The following RGR variants were observed in gnomAD, a reference collection of about 807,000 sequenced individuals.
The protein encoded by RGR is RPE-retinal G protein-coupled receptor.
A neutral mutation model predicts 28.6 loss-of-function variants in RGR; 30 were observed. The observed-to-expected ratio is 1.05, with a 90% CI of 0.78 to 1.42. The LOEUF (loss-of-function observed/expected upper bound fraction) is 1.42, where lower values mean the gene tolerates loss of function less well. RGR is among the 40% of genes most tolerant of loss of function. The pLI is 0.00. For missense variants in RGR, 404 were observed against 375.6 expected (o/e 1.08, Z -0.62); for synonymous variants, 180 against 156.4 (o/e 1.15, Z -1.13).
At chr10:84,257,738 C>T (rs569862087) in intron 5 of RGR, among the ~76,000 whole-genome samples, 155 bp from the exon 6 acceptor site, 1 of 152,272 alleles carries the variant, frequency 6.6e-6, no homozygotes, top group South Asian at 2.1e-4. Context: ...ACAGAGAGGC[C>T]CATCTGGTCC....
intron 3 of RGR, chr10:84,250,712 C>T (rs1417551863): frequency 1.2e-5 from 5 of 401,902 alleles, no homozygotes; most frequent in Non-Finnish European, 2.3e-5. Context: ...TCATCTACTC[C>T]ATCCCTGGGT....
At chr10:84,247,091 G>C (rs1842755398) in intron 1 of RGR, among the ~76,000 whole-genome samples, 1 of 152,172 alleles carries the variant, frequency 6.6e-6, no homozygotes, top group Non-Finnish European at 1.5e-5. Flanking sequence ...AAAATTCAAG[G>C]TCGGGTCTCT....
chr10:84,248,539 G>T, intron 2 of RGR: 1 of 338,930 alleles, frequency 3.0e-6, no homozygotes, highest in Non-Finnish European at 5.6e-6. Context: ...GGCTGGGGAG[G>T]CCTGGGATCT....
intron 5 of RGR, among the ~76,000 whole-genome samples, chr10:84,256,793 C>A (rs1424098323): frequency 6.6e-6 from 1 of 152,154 alleles, no homozygotes; most frequent in Non-Finnish European, 1.5e-5. Flanking sequence ...CCACCATGAT[C>A]TCCTCATTTT....
At chr10:84,258,166 CT>C (rs1216512722) in intron 6 of RGR, among the ~76,000 whole-genome samples, 160 bp downstream of exon 6, 1 of 152,184 alleles carries the variant, frequency 6.6e-6, no homozygotes, top group African/African-American at 2.4e-5. Context: ...GTTTGCCCCC[CT>C]AATCCCCCAC....
Position 84,250,517 on chromosome 10 carries a change from TACACACACACACACACAC to T in RGR, c.358+1495_358+1512del. ...CCTAATGCTCCCTTGGACCATCTTA[TACACACACACACACACAC>T]ACACACACACACACACACACCACCT... On this transcript the variant is annotated intron_variant, in intron 3 of 6. Coordinates refer to ENST00000652092, the MANE Select transcript of RGR (RefSeq NM_001012720.2). The T allele has an allele frequency of 6.6e-6, 4 of 606,498 alleles. No homozygotes were observed. In the Admixed American group the frequency reaches 7.0e-5, roughly 11 times the overall value. The allele number at this position is 606,498 out of a possible 1,614,324, so 37.6% of individuals were successfully genotyped here. A position where few individuals can be genotyped will look rare whatever the true frequency, so the allele number is the denominator to read the frequency against.
intron 3 of RGR, chr10:84,250,711 C>T (rs1842805618): frequency 4.9e-6 from 2 of 408,690 alleles, no homozygotes; most frequent in Non-Finnish European, 8.9e-6. Flanking sequence ...TTCATCTACT[C>T]CATCCCTGGG....
rs569016977 is a variant in RGR, at chr10:84,253,489, A to T, written c.512+479A>T. Among the ~76,000 whole-genome samples, 21 of 152,272 alleles carry T rather than the reference A, an allele frequency of 1.4e-4. No individual in the cohort carries two copies. In the East Asian group the frequency reaches 4.1e-3, roughly 29 times the overall value. ...CTGGAGAAATAGGACAGAATGCATG[A>T]GGGTCCCCACCCTCATGGGGCTCGT... On this transcript the variant is annotated intron_variant, in intron 4 of 6. Transcript: ENST00000652092.
intron 1 of RGR, among the ~76,000 whole-genome samples, chr10:84,246,477 C>G (rs186817278): frequency 1.3e-5 from 2 of 152,188 alleles, no homozygotes; most frequent in Admixed American, 6.5e-5. Context: ...TGAGAACAAA[C>G]AGCATTTGGT....
intron 3 of RGR, chr10:84,250,274 T>G: frequency 1.4e-6 from 1 of 703,672 alleles, no homozygotes. Flanking sequence ...AACCATGGCA[T>G]GTCCTCTTTG....
chr10:84,247,000 G>C lies in RGR; in HGVS notation c.80-591G>C, dbSNP rs545880688. ...GTGCTTCTCATAGTTTTGAAGGCAG[G>C]ATTTTTTCCTGTTCCTCACTTTAGA... On this transcript the variant is annotated intron_variant, in intron 1 of 6. Coordinates refer to ENST00000652092, the MANE Select transcript of RGR (RefSeq NM_001012720.2). Among the ~76,000 whole-genome samples the C allele has an allele frequency of 4.7e-4, 71 of 152,316 alleles. 1 individual carries two copies. The highest frequency in any genetic ancestry group is 1.5e-3 in the African/African-American group (63 of 41,574).
chr10:84,250,289 C>T, intron 3 of RGR: 1 of 709,254 alleles, frequency 1.4e-6, no homozygotes, highest in South Asian at 1.5e-5. Context: ...TCTTTGGAAT[C>T]CACAGAACTT....
At chr10:84,254,623 C>T (rs963601287) in intron 5 of RGR, among the ~76,000 whole-genome samples, 180 bp downstream of exon 5, 2 of 152,230 alleles carry the variant, frequency 1.3e-5, no homozygotes, top group South Asian at 4.1e-4. Flanking sequence ...GGACCAATCT[C>T]TGCGAAGTGA....
At chr10:84,246,185 A>G (rs1467530006) in intron 1 of RGR, among the ~76,000 whole-genome samples, 3 of 152,218 alleles carry the variant, frequency 2.0e-5, no homozygotes, top group African/African-American at 7.2e-5. Context: ...ATGACTAGAA[A>G]TGTCATTATA....
At chr10:84,255,718 CTTTTTTTT>C in intron 5 of RGR, among the ~76,000 whole-genome samples, 1 of 102,880 alleles carries the variant, frequency 9.7e-6, no homozygotes, top group African/African-American at 3.6e-5. Flanking sequence ...GGTTTTCTTT[CTTTTTTTT>C]TTTTTTTTTT....
intron 5 of RGR, among the ~76,000 whole-genome samples, chr10:84,256,410 G>T (rs4933317): frequency 2.0e-5 from 3 of 151,942 alleles, no homozygotes; most frequent in African/African-American, 7.3e-5. Flanking sequence ...TGAGATGGGG[G>T]TTAACTAAGC....
Position 84,248,902 on chromosome 10 carries a change from G to A in RGR, c.237-20G>A. On this transcript the variant is annotated intron_variant, in intron 2 of 6. Transcript: ENST00000652092. ...GAAAGGATCGGAGGAGAGGTCACTG[G>A]TGCCCAGTGTCTCCCACAGGCGCTG... 2 of 1,614,214 alleles carry A rather than the reference G, an allele frequency of 1.2e-6. No individual in the cohort carries two copies. Among genetic ancestry groups the A allele is most frequent in the Non-Finnish European group, 1.7e-6 (2 of 1,180,042 alleles).
At chr10:84,246,370 C>T (rs920036370) in intron 1 of RGR, among the ~76,000 whole-genome samples, 1 of 151,958 alleles carries the variant, frequency 6.6e-6, no homozygotes, top group African/African-American at 2.4e-5. Flanking sequence ...TTTTTTTAAT[C>T]CCACTCCCTC....
intron 3 of RGR, chr10:84,250,728 T>C: frequency 8.5e-6 from 3 of 353,338 alleles, no homozygotes; most frequent in Non-Finnish European, 1.6e-5. Flanking sequence ...TGGGTGGTTG[T>C]AGGCATGTCA....
Sources: allele counts gnomAD v4.1 joint callset (sites outside exome capture counted in the v4.1 genomes callset), GRCh38; gene constraint gnomAD v4.1.1; transcripts MANE v1.5; gene names NCBI Gene and HGNC (gene_info 2026-07-23, HGNC 2026-07-21).